RIMOC1: variants seen among roughly 807,000 people sequenced by gnomAD.
RIMOC1 encodes the protein RAB7A-interacting MON1-CCZ1 complex subunit 1.
the RIMOC1 span, among the ~76,000 whole-genome samples, chr5:41,906,459 T>G: frequency 6.6e-6 from 1 of 152,144 alleles, no homozygotes; most frequent in South Asian, 2.1e-4. Flanking sequence ...GTTTAGTGAG[T>G]TCAATGCAAA....
At chr5:41,909,728 C>CTTTTT in the RIMOC1 span, 1 of 1,249,374 alleles carries the variant, frequency 8.0e-7, no homozygotes, top group Non-Finnish European at 1.1e-6. Context: ...AGATATCTTT[C>CTTTTT]TTTTTTTTTT....
the RIMOC1 span, chr5:41,907,801 G>C: frequency 1.2e-6 from 2 of 1,609,674 alleles, no homozygotes; most frequent in Non-Finnish European, 8.5e-7. Flanking sequence ...AGAAGAGAAA[G>C]AATGTTCAAA....
the RIMOC1 span, among the ~76,000 whole-genome samples, chr5:41,909,393 G>C: frequency 6.6e-6 from 1 of 151,980 alleles, no homozygotes; most frequent in Non-Finnish European, 1.5e-5. Flanking sequence ...GATACAGCAG[G>C]CATTTAGAAA....
chr5:41,915,057 A>G, the RIMOC1 span, among the ~76,000 whole-genome samples: 1 of 152,180 alleles, frequency 6.6e-6, no homozygotes, highest in African/African-American at 2.4e-5. Context: ...TACTTTTTCT[A>G]AGGTAAGATA....
chr5:41,921,559 A>G, the RIMOC1 span: 1 of 151,726 alleles, frequency 6.6e-6, no homozygotes, highest in African/African-American at 2.4e-5. Flanking sequence ...CTTTCATGTT[A>G]TTTCTTCTAG....
the RIMOC1 span, among the ~76,000 whole-genome samples, chr5:41,913,916 A>C: frequency 6.6e-6 from 1 of 152,230 alleles, no homozygotes; most frequent in Non-Finnish European, 1.5e-5. Context: ...ACTAGTTATT[A>C]GTTATTTCAG....
the RIMOC1 span, among the ~76,000 whole-genome samples, chr5:41,913,249 T>G: frequency 6.6e-6 from 1 of 152,218 alleles, no homozygotes; most frequent in African/African-American, 2.4e-5. Flanking sequence ...CAGATTACTT[T>G]ACTTAGCTAT....
chr5:41,905,177 C>A, the RIMOC1 span, among the ~76,000 whole-genome samples: 1 of 152,176 alleles, frequency 6.6e-6, no homozygotes, highest in African/African-American at 2.4e-5. Flanking sequence ...TTTTAAAATT[C>A]TGTGGACTGA....
At chr5:41,906,933 A>G in the RIMOC1 span, among the ~76,000 whole-genome samples, 1 of 152,230 alleles carries the variant, frequency 6.6e-6, no homozygotes, top group African/African-American at 2.4e-5. Flanking sequence ...CAGAGAGTTT[A>G]GTGTCTTGAT....
At chr5:41,916,435 C>T in the RIMOC1 span, 1 of 961,376 alleles carries the variant, frequency 1.0e-6, no homozygotes, top group South Asian at 4.8e-5. Flanking sequence ...GCAGCATACT[C>T]TCTTTTTTTC....
At chr5:41,905,237 C>G in the RIMOC1 span, among the ~76,000 whole-genome samples, 3 of 152,126 alleles carry the variant, frequency 2.0e-5, no homozygotes, top group African/African-American at 7.2e-5. Context: ...TTTTCTTAAG[C>G]GATTGAATAG....
chr5:41,915,615 C>T, the RIMOC1 span, among the ~76,000 whole-genome samples: 45 of 152,236 alleles, frequency 3.0e-4, 1 homozygote, highest in South Asian at 7.9e-3. Context: ...TCTTACATGG[C>T]GGTGGCAAGA....
chr5:41,915,510 C>T, the RIMOC1 span, among the ~76,000 whole-genome samples: 1 of 152,156 alleles, frequency 6.6e-6, no homozygotes, highest in Admixed American at 6.5e-5. Flanking sequence ...CCAATAAAGA[C>T]ATACCCAAGA....
chr5:41,918,630 G>C, the RIMOC1 span: 2 of 985,228 alleles, frequency 2.0e-6, no homozygotes, highest in Non-Finnish European at 2.4e-6. Context: ...ATCACTACAA[G>C]TGTCTCACTT....
At chr5:41,909,758 A>C in the RIMOC1 span, 1 of 1,525,528 alleles carries the variant, frequency 6.6e-7, no homozygotes, top group East Asian at 2.4e-5. Flanking sequence ...TATTTTGGAC[A>C]TGACATATTT....
the RIMOC1 span, among the ~76,000 whole-genome samples, chr5:41,907,559 A>G: frequency 2.0e-5 from 3 of 152,182 alleles, no homozygotes; most frequent in African/African-American, 7.2e-5. Flanking sequence ...CTTAATTAGG[A>G]TTAGGCATTA....
the RIMOC1 span, among the ~76,000 whole-genome samples, chr5:41,905,050 T>C: frequency 6.6e-6 from 1 of 152,354 alleles, no homozygotes; most frequent in East Asian, 1.9e-4. Context: ...TAGGAAAAAC[T>C]GGGCTAGGGA....
At chr5:41,916,324 C>A in the RIMOC1 span, 58 of 773,170 alleles carry the variant, frequency 7.5e-5, no homozygotes, top group Non-Finnish European at 8.9e-5. Context: ...GTCTTTCTGC[C>A]AAATTAATAT....
the RIMOC1 span, chr5:41,917,788 C>A: frequency 1.1e-6 from 1 of 884,744 alleles, no homozygotes; most frequent in Non-Finnish European, 1.4e-6. Flanking sequence ...TATTCAGATT[C>A]CATTTTCAAT....
Sources: allele counts gnomAD v4.1 joint callset (sites outside exome capture counted in the v4.1 genomes callset), GRCh38; gene constraint gnomAD v4.1.1; transcripts MANE v1.5; gene names NCBI Gene and HGNC (gene_info 2026-07-23, HGNC 2026-07-21).